The following IFT74 variants were observed in gnomAD, a reference collection of about 807,000 sequenced individuals.
IFT74 encodes the protein intraflagellar transport protein 74 homolog.
A neutral mutation model predicts 96.7 loss-of-function variants in IFT74; 92 were observed. The ratio of observed to expected loss-of-function variants is 0.95; its 90% confidence interval spans 0.80 to 1.13. The LOEUF is 1.13. Ranked by LOEUF, IFT74 falls within the 50% of genes most tolerant of loss-of-function variation. The probability of loss-of-function intolerance (pLI) is 0.00; values close to 1 mark genes in which losing one functional copy is unlikely to be tolerated. For missense variants in IFT74, 811 were observed against 698.2 expected, an observed-to-expected ratio of 1.16 and a Z score of -1.82; for synonymous variants, 223 against 213.2, an observed-to-expected ratio of 1.05 and a Z score of -0.40.
intron 8 of IFT74, chr9:26,998,241 C>A (rs1477894511): frequency 2.9e-6 from 4 of 1,403,280 alleles, no homozygotes; most frequent in East Asian, 2.4e-5. Flanking sequence ...CATTGGACTT[C>A]CTAGAAAAAC....
intron 13 of IFT74, among the ~76,000 whole-genome samples, chr9:27,039,922 T>C (rs1279158549): frequency 6.6e-6 from 1 of 152,146 alleles, no homozygotes; most frequent in African/African-American, 2.4e-5. Flanking sequence ...ATGGGAGAGA[T>C]AGACTGAATG....
chr9:26,990,354 T>A (rs1457065910), intron 8 of IFT74, among the ~76,000 whole-genome samples, 159 bp downstream of exon 8: 1 of 152,244 alleles, frequency 6.6e-6, no homozygotes, highest in Non-Finnish European at 1.5e-5. Flanking sequence ...TTATACTTGT[T>A]ATCTTCATTT....
intron 13 of IFT74, among the ~76,000 whole-genome samples, chr9:27,043,003 A>G (rs919458528): frequency 3.3e-5 from 5 of 152,226 alleles, no homozygotes; most frequent in African/African-American, 9.6e-5. Flanking sequence ...GTTTAATAAC[A>G]GAGTACCTCT....
At position 27,062,636 on chromosome 9, in the gene IFT74, A is replaced by G. The variant is rs1269851041; in HGVS notation, c.1703A>G (p.Gln568Arg). 6.2e-7 allele frequency: 1 copy of G among 1,603,122 alleles called. No individual in the cohort carries two copies. Among genetic ancestry groups the G allele is most frequent in the Non-Finnish European group, 8.5e-7 (1 of 1,171,932 alleles). ...AMKEFIATKS[Q>R]ESDYQPIKKN... ...TAATTAGTCATAGCAACCAAGAGTC[A>G]AGAGAGTGATTACCAGCCAATTAAG... is the stretch of plus-strand genomic sequence containing the variant. The change falls in exon 20 of 20, where the codon CAA (glutamine) becomes CGA (arginine). Residue 568 changes from glutamine to arginine, a missense_variant. Transcript: ENST00000380062.
At chr9:27,017,123 G>A in intron 11 of IFT74, 73 bp downstream of exon 11, 1 of 1,238,804 alleles carries the variant, frequency 8.1e-7, no homozygotes, top group Admixed American at 2.4e-5. Context: ...TTTTTAAAGG[G>A]ATATTAATGC....
chr9:27,010,255 C>T (rs891451035), intron 9 of IFT74, among the ~76,000 whole-genome samples: 1 of 151,878 alleles, frequency 6.6e-6, no homozygotes, highest in Non-Finnish European at 1.5e-5. Context: ...TCCCAAAGTG[C>T]TGGTATTACA....
At chr9:27,022,375 G>T (rs1028337231) in intron 12 of IFT74, among the ~76,000 whole-genome samples, 10 of 152,022 alleles carry the variant, frequency 6.6e-5, no homozygotes, top group Non-Finnish European at 7.4e-5. Context: ...GAAGAATGAT[G>T]ATGGTGAAAT....
chr9:26,969,004 T>C (rs1826760473), intron 2 of IFT74, among the ~76,000 whole-genome samples: 1 of 152,148 alleles, frequency 6.6e-6, no homozygotes, highest in Non-Finnish European at 1.5e-5. Context: ...ATTATTAGGT[T>C]GTTTATTTTG....
intron 4 of IFT74, chr9:26,983,842 G>A (rs1201753554): frequency 1.4e-5 from 2 of 143,334 alleles, no homozygotes; most frequent in African/African-American, 5.3e-5. Flanking sequence ...GGAGTGTAGT[G>A]GCACGATCTT....
At chr9:26,954,544 T>C (rs187663104), upstream of IFT74, among the ~76,000 whole-genome samples, 103 of 151,416 alleles carry the variant, frequency 6.8e-4, no homozygotes, top group African/African-American at 2.2e-3. Flanking sequence ...ATAGGAATAG[T>C]ACAGGGTGCA....
Position 27,063,372 on chromosome 9 carries a change from G to A in IFT74, c.*636G>A, listed in dbSNP as rs372618840. On this transcript the variant is annotated 3_prime_UTR_variant, in exon 20 of 20. Transcript: ENST00000380062. ...CATTAGGTAAAAGACTACATTTATA[G>A]TGGGCTGTTTTGGACTATGGCTACT... Among the ~76,000 whole-genome samples, 8 of 152,086 alleles carry A rather than the reference G, an allele frequency of 5.3e-5. No individual in the cohort carries two copies. The highest frequency in any genetic ancestry group is 1.7e-4 in the African/African-American group (7 of 41,418).
chr9:27,045,240 C>T (rs1819652101), intron 14 of IFT74, among the ~76,000 whole-genome samples: 1 of 152,136 alleles, frequency 6.6e-6, no homozygotes, highest in South Asian at 2.1e-4. Context: ...CTAGGTTGTA[C>T]TCTTGTTATG....
chr9:27,057,000 T>G (rs1820195165), intron 18 of IFT74, among the ~76,000 whole-genome samples: 1 of 152,172 alleles, frequency 6.6e-6, no homozygotes. Context: ...ATTTAGGAGC[T>G]TGTTTTTCAT....
Position 27,064,226 on chromosome 9 carries a change from A to G in IFT74, c.*1490A>G, listed in dbSNP as rs1820540366. Among the ~76,000 whole-genome samples, 1 of 152,020 alleles carries G rather than the reference A, an allele frequency of 6.6e-6. No individual in the cohort carries two copies. The highest frequency in any genetic ancestry group is 2.4e-5 in the African/African-American group (1 of 41,398). On this transcript the variant is annotated 3_prime_UTR_variant, in exon 20 of 20. Coordinates refer to ENST00000380062, the MANE Select transcript of IFT74 (RefSeq NM_025103.4). ...TTCATACACTAAAATAATTTCATCTACTCAAGTCCTCTGGGTGGCTCTATG... is the reference window on the plus strand; with the variant it reads ...TTCATACACTAAAATAATTTCATCTGCTCAAGTCCTCTGGGTGGCTCTATG...
intron 8 of IFT74, among the ~76,000 whole-genome samples, chr9:26,996,939 A>G (rs7019249): frequency 0.027 from 4,123 of 152,296 alleles, 195 homozygotes; most frequent in African/African-American, 0.094. Flanking sequence ...GGCCGGGCGC[A>G]GAGGCTCATG....
intron 14 of IFT74, among the ~76,000 whole-genome samples, chr9:27,046,341 A>G (rs1295576362): frequency 6.6e-6 from 1 of 152,196 alleles, no homozygotes; most frequent in Non-Finnish European, 1.5e-5. Flanking sequence ...TTTAAAAAAT[A>G]TGCTAAATAT....
chr9:27,043,620 A>G (rs1290933949), intron 13 of IFT74, among the ~76,000 whole-genome samples: 2 of 152,176 alleles, frequency 1.3e-5, no homozygotes, highest in Non-Finnish European at 2.9e-5. Flanking sequence ...CATGCTTTTC[A>G]TGTTTGTTAA....
chr9:26,964,652 G>A (rs776960981), intron 2 of IFT74, among the ~76,000 whole-genome samples: 1 of 151,918 alleles, frequency 6.6e-6, no homozygotes, highest in Non-Finnish European at 1.5e-5. Context: ...TGCTCTTTCT[G>A]TATTAAGACC....
chr9:26,984,898 G>C (rs777181072), intron 6 of IFT74, among the ~76,000 whole-genome samples: 1 of 152,094 alleles, frequency 6.6e-6, no homozygotes, highest in African/African-American at 2.4e-5. Context: ...GCAGTGTGGC[G>C]ATTCCTCAAA....
Sources: gnomAD v4.1 joint callset for allele counts (sites outside exome capture counted in the v4.1 genomes callset) on GRCh38, gnomAD v4.1.1 for gene constraint, MANE v1.5 for transcripts, NCBI Gene and HGNC (gene_info 2026-07-23, HGNC 2026-07-21) for gene names.